PTPRS: variants seen among roughly 807,000 people sequenced by gnomAD.
The protein encoded by PTPRS is receptor-type tyrosine-protein phosphatase S.
In PTPRS, 63 loss-of-function variants were observed where a neutral mutation model predicts 215.3. The ratio of observed to expected loss-of-function variants is 0.29; its 90% CI spans 0.24 to 0.36. The LOEUF is 0.36. Among genes scored for constraint, PTPRS ranks in the 10% least tolerant of loss-of-function variants. The pLI, the probability that PTPRS is intolerant of heterozygous loss-of-function variation, is 1.00. For missense variants in PTPRS, 2,258 were observed against 2,825.8 expected, an observed-to-expected ratio of 0.80 and a Z score of 4.56; for synonymous variants, 1,404 against 1,191.4, an observed-to-expected ratio of 1.18 and a Z score of -3.68.
chr19:5,306,148 A>ATTTT lies in PTPRS; in HGVS notation c.-94-19918_-94-19915dup, dbSNP rs71172709. Among the ~76,000 whole-genome samples the ATTTT allele has an allele frequency of 3.8e-4, 53 of 140,812 alleles. 3 individuals carry two copies. Among genetic ancestry groups the ATTTT allele is most frequent in the South Asian group, 1.6e-3 (7 of 4,294 alleles). 92.4% of individuals were successfully genotyped at this position (140,812 alleles called of 152,430 possible). ...AAAGGTAACTCTAGAATACAGGGTG[A>ATTTT]TTTTTTTTTTTTTTGAGACGGAGTC... On this transcript the variant is annotated intron_variant, in intron 1 of 37. Coordinates refer to ENST00000262963, the MANE Select transcript of PTPRS (RefSeq NM_002850.4).
At position 5,312,954 on chromosome 19, in the gene PTPRS, G is replaced by A. The variant is rs147815848; in HGVS notation, c.-94-26720C>T. On this transcript the variant is annotated intron_variant, in intron 1 of 37. Transcript: ENST00000262963. ...TATTTAGACAGAGTCTCACTCTGTCGCCCAGGCTGGAGTGCAGAGGCACGA... is the reference window on the plus strand; with the variant it reads ...TATTTAGACAGAGTCTCACTCTGTCACCCAGGCTGGAGTGCAGAGGCACGA... Among the ~76,000 whole-genome samples the A allele has an allele frequency of 1.6e-3, 240 of 152,266 alleles. 6 individuals carry two copies. The East Asian group carries it at 0.041, about 26-fold the overall frequency.
chr19:5,206,272 A>AATGGAAAAAAAC lies in PTPRS; in HGVS notation c.*501_*502insGTTTTTTTCCAT, dbSNP rs1332913339. The AATGGAAAAAAAC allele has an allele frequency of 3.5e-5, 8 of 229,468 alleles. No individual in the cohort carries two copies. The Admixed American group carries it at 4.5e-4, about 13-fold the overall frequency. 14.2% of individuals were successfully genotyped at this position (229,468 alleles called of 1,614,324 possible). ...TCTTAAAAAAAAAAATGGAAAAAAA[A>AATGGAAAAAAAC]ATACACTATTTAAAAAAAATGAAAT... On this transcript the variant is annotated 3_prime_UTR_variant, in exon 38 of 38. Coordinates refer to ENST00000262963, the MANE Select transcript of PTPRS (RefSeq NM_002850.4).
chr19:5,216,770 G>GCAAA lies in PTPRS; in HGVS notation c.4049-7_4049-4dup. On this transcript the variant is annotated splice_polypyrimidine_tract_variant and splice_region_variant and intron_variant, in intron 25 of 37. Transcript: ENST00000262963. ...GAGGGGGCTCCTGAGGCCTGAATCT[G>GCAAA]CAAACAGCAAACAATAAATAAATGA... 6.4e-7 allele frequency: 1 copy of GCAAA among 1,556,246 alleles called. No homozygotes were observed. Among genetic ancestry groups the GCAAA allele is most frequent in the Non-Finnish European group, 8.7e-7 (1 of 1,145,552 alleles).
intron 1 of PTPRS, among the ~76,000 whole-genome samples, chr19:5,313,825 A>C (rs72985123): frequency 6.6e-6 from 1 of 151,990 alleles, no homozygotes; most frequent in Non-Finnish European, 1.5e-5. Flanking sequence ...CTGGGCACGC[A>C]GTGGCTCACA....
chr19:5,303,982 A>G (rs911295588), intron 1 of PTPRS, among the ~76,000 whole-genome samples: 7 of 134,662 alleles, frequency 5.2e-5, no homozygotes, highest in Non-Finnish European at 8.2e-5. Context: ...AATAAACAGA[A>G]GCGCGGAGGG....
At position 5,312,041 on chromosome 19, in the gene PTPRS, CAAAAA is replaced by C. The variant is rs577071088; in HGVS notation, c.-94-25812_-94-25808del. ...TGGGAGACACAGCGAGACTCCGTCT[CAAAAA>C]AAAAAAAAAGAAAGAAATACGCATC... On this transcript the variant is annotated intron_variant, in intron 1 of 37. Transcript: ENST00000262963. Among the ~76,000 whole-genome samples, 4 of 116,074 alleles carry C rather than the reference CAAAAA, an allele frequency of 3.4e-5. No individual in the cohort carries two copies. The Admixed American group carries it at 3.7e-4, about 11-fold the overall frequency. 76.1% of individuals were successfully genotyped at this position (116,074 alleles called of 152,430 possible). A position where few individuals can be genotyped will look rare whatever the true frequency, so the allele number is the denominator to read the frequency against.
chr19:5,340,335 G>A (rs1006710199), intron 1 of PTPRS, among the ~76,000 whole-genome samples: 1 of 150,916 alleles, frequency 6.6e-6, no homozygotes, highest in Non-Finnish European at 1.5e-5. Flanking sequence ...AGCCGGCGGC[G>A]CTGGGCAGCT....
At chr19:5,330,864 G>A (rs1486815029) in intron 1 of PTPRS, among the ~76,000 whole-genome samples, 5 of 152,226 alleles carry the variant, frequency 3.3e-5, no homozygotes, top group East Asian at 3.9e-4. Flanking sequence ...TGATATCTGG[G>A]AGTTGAAGCC....
In PTPRS at chr19:5,306,009, G is replaced by T. The variant is rs1215878137; in HGVS notation, c.-94-19775C>A. On this transcript the variant is annotated intron_variant, in intron 1 of 37. Coordinates refer to ENST00000262963, the MANE Select transcript of PTPRS (RefSeq NM_002850.4). ...ATGCCTGGAACAGAGAGAACCAGCA[G>T]CACAATAGGTACAAATACTTGAGGA... Among the ~76,000 whole-genome samples, 5 of 138,778 alleles carry T rather than the reference G, an allele frequency of 3.6e-5. No individual in the cohort carries two copies. The Admixed American group carries it at 3.8e-4, about 11-fold the overall frequency. The allele number at this position is 138,778 out of a possible 152,430, so 91.0% of individuals were successfully genotyped here. A position where few individuals can be genotyped will look rare whatever the true frequency, so the allele number is the denominator to read the frequency against.
At chr19:5,275,076 T>G (rs1029990732) in intron 2 of PTPRS, among the ~76,000 whole-genome samples, 46 of 148,688 alleles carry the variant, frequency 3.1e-4, no homozygotes, top group African/African-American at 1.0e-3. Context: ...TTCTTTTCTT[T>G]TTTTTTTTTT....
chr19:5,218,504 T>C lies in PTPRS; in HGVS notation c.3964A>G (p.Lys1322Glu). 1 of 1,614,160 alleles carries C rather than the reference T, an allele frequency of 6.2e-7. No homozygotes were observed. Among genetic ancestry groups the C allele is most frequent in the Non-Finnish European group, 8.5e-7 (1 of 1,180,018 alleles). Residue 1322 changes from lysine (K) to glutamate (E), a missense_variant, in exon 25 of 38, where the codon AAA becomes GAA. Around this residue, in one of 6 missense-constraint regions of PTPRS, gnomAD observed 927 missense variants for 1,125.9 expected, o/e 0.82. Coordinates refer to ENST00000262963, the MANE Select transcript of PTPRS (RefSeq NM_002850.4). ...AGGTCGGCATTGTTCAGGAGGCATT[T>C]GGTGCGGGGTTCTGAGTCCTTGCGT... ...SKRKDSEPRT[K>E]CLLNNADLAP... is the part of the protein sequence containing the mutation.
chr19:5,286,233 G>A lies in PTPRS; in HGVS notation c.-93C>T, dbSNP rs771945069. The A allele has an allele frequency of 5.8e-6, 8 of 1,379,936 alleles. No individual in the cohort carries two copies. The highest frequency in any genetic ancestry group is 1.2e-5 in the South Asian group (1 of 80,904). The allele number at this position is 1,379,936 out of a possible 1,614,324, so 85.5% of individuals were successfully genotyped here. The stretch of plus-strand genomic sequence containing the variant: ...CGAGCCGAGCGTCAGATGGGGCAAC[G>A]TCTGCAGAGACAATGGAGGGCTGTG... On this transcript the variant is annotated splice_region_variant and 5_prime_UTR_variant, in exon 2 of 38. In the 5' UTR this introduces an upstream ATG that the reference lacks. Transcript: ENST00000262963.
chr19:5,316,748 C>T (rs1208097166), intron 1 of PTPRS, among the ~76,000 whole-genome samples: 2 of 152,036 alleles, frequency 1.3e-5, no homozygotes, highest in African/African-American at 4.8e-5. Context: ...AGGCTGGTCT[C>T]GAACTCCTGA....
intron 12 of PTPRS, among the ~76,000 whole-genome samples, 197 bp from the exon 13 acceptor site, chr19:5,239,260 G>A (rs1490862468): frequency 1.3e-5 from 2 of 151,710 alleles, no homozygotes; most frequent in African/African-American, 4.8e-5. Flanking sequence ...AGGGGAGAGA[G>A]AGGTAGAGAC....
chr19:5,335,724 G>A (rs74174308), intron 1 of PTPRS, among the ~76,000 whole-genome samples: 10,662 of 152,180 alleles, frequency 0.07, 458 homozygotes, highest in South Asian at 0.19. Flanking sequence ...CCCCAGTTAC[G>A]GCGATGGGGA....
intron 35 of PTPRS, among the ~76,000 whole-genome samples, chr19:5,209,956 C>T (rs1467715771): frequency 6.6e-6 from 1 of 152,190 alleles, no homozygotes; most frequent in Non-Finnish European, 1.5e-5. Context: ...GATCCTTTGT[C>T]ACCCAACAGG....
At chr19:5,297,432 G>A (rs2049169627) in intron 1 of PTPRS, among the ~76,000 whole-genome samples, 1 of 152,168 alleles carries the variant, frequency 6.6e-6, no homozygotes, top group South Asian at 2.1e-4. Flanking sequence ...CACCTACTGT[G>A]TGCTGTGCTG....
intron 2 of PTPRS, among the ~76,000 whole-genome samples, chr19:5,276,346 C>T (rs2047360345): frequency 6.6e-6 from 1 of 151,902 alleles, no homozygotes; most frequent in Non-Finnish European, 1.5e-5. Flanking sequence ...CCTCTAACTC[C>T]TAAGTAGCTG....
chr19:5,239,046 G>T lies in PTPRS; in HGVS notation c.1722C>A (p.Asp574Glu). 6.2e-7 allele frequency: 1 copy of T among 1,613,364 alleles called. No individual in the cohort carries two copies. Among genetic ancestry groups the T allele is most frequent in the South Asian group, 1.1e-5 (1 of 91,010 alleles). ...DHGREVGRTFDPTTSYVVEDL... is the reference protein window; with the variant it reads ...DHGREVGRTFEPTTSYVVEDL... ...CCTCCACCACGTAGGAAGTCGTCGG[G>T]TCGAAGGTCCTTCCCACCTGGGGGC... is the stretch of plus-strand genomic sequence containing the variant. Residue 574 changes from aspartate to glutamate, a missense_variant, in exon 13 of 38, where the codon GAC becomes GAA. By Grantham distance (45) the Asp-to-Glu change is conservative. Coordinates refer to ENST00000262963, the MANE Select transcript of PTPRS (RefSeq NM_002850.4).
Sources: allele counts gnomAD v4.1 joint callset (sites outside exome capture counted in the v4.1 genomes callset), GRCh38; gene constraint gnomAD v4.1.1; regional missense constraint gnomAD v4.1.1; transcripts MANE v1.5; gene names NCBI Gene and HGNC (gene_info 2026-07-23, HGNC 2026-07-21).